The following STT3B variants were observed in gnomAD, a reference collection of about 807,000 sequenced individuals.
STT3B encodes dolichyl-diphosphooligosaccharide--protein glycosyltransferase subunit STT3B.
Under a neutral mutation model 96.8 loss-of-function variants are expected in STT3B, and 29 were observed. The observed-to-expected ratio is 0.30, with a 90% CI of 0.22 to 0.41. The LOEUF (loss-of-function observed/expected upper bound fraction) is 0.41. Among genes scored for constraint, STT3B ranks in the 10% least tolerant of loss-of-function variants. The pLI, the probability that STT3B is intolerant of heterozygous loss-of-function variation, is 1.00. For synonymous variants in STT3B, 367 were observed against 360.0 expected (o/e 1.02, Z -0.22); for missense variants, 640 against 1,022.3 (o/e 0.63, Z 5.10).
intron 1 of STT3B, among the ~76,000 whole-genome samples, chr3:31,538,142 T>C (rs1421648087): frequency 6.6e-6 from 1 of 152,184 alleles, no homozygotes; most frequent in Non-Finnish European, 1.5e-5. Context: ...ACCTAGATTC[T>C]ACAATTAATA....
intron 1 of STT3B, among the ~76,000 whole-genome samples, chr3:31,543,729 G>A (rs1416147183): frequency 6.6e-6 from 1 of 152,224 alleles, no homozygotes; most frequent in Non-Finnish European, 1.5e-5. Flanking sequence ...AATGGTATAT[G>A]TGAGCATCAT....
intron 2 of STT3B, among the ~76,000 whole-genome samples, chr3:31,576,710 C>T (rs1698272898): frequency 6.6e-6 from 1 of 152,120 alleles, no homozygotes; most frequent in African/African-American, 2.4e-5. Flanking sequence ...GGTTGTCTCA[C>T]ACTAGCCACT....
At chr3:31,544,701 T>C (rs1475031435) in intron 1 of STT3B, among the ~76,000 whole-genome samples, 2 of 152,188 alleles carry the variant, frequency 1.3e-5, no homozygotes, top group Admixed American at 1.3e-4. Flanking sequence ...CGGTGGCTTA[T>C]GCCTATAATC....
chr3:31,553,344 C>G (rs1026071485), intron 1 of STT3B, among the ~76,000 whole-genome samples: 4 of 152,044 alleles, frequency 2.6e-5, no homozygotes, highest in Admixed American at 2.6e-4. Flanking sequence ...GAATGTACAG[C>G]CTTATTATTT....
chr3:31,567,523 T>A (rs1698034348), intron 1 of STT3B, among the ~76,000 whole-genome samples: 1 of 152,206 alleles, frequency 6.6e-6, no homozygotes, highest in African/African-American at 2.4e-5. Context: ...AACAATATAT[T>A]GTTCTTCCAC....
intron 5 of STT3B, among the ~76,000 whole-genome samples, chr3:31,609,141 GA>G (rs1377630657): frequency 6.6e-6 from 1 of 152,076 alleles, no homozygotes; most frequent in Non-Finnish European, 1.5e-5. Flanking sequence ...GATGTGTTAA[GA>G]AGAACCAAAA....
intron 9 of STT3B, among the ~76,000 whole-genome samples, chr3:31,621,204 G>A (rs1191657954): frequency 6.6e-6 from 1 of 152,150 alleles, no homozygotes; most frequent in Admixed American, 6.5e-5. Context: ...CAATACAAAA[G>A]AGAACATTTT....
chr3:31,533,312 G>T lies in STT3B; in HGVS notation c.314G>T (p.Trp105Leu). ...FESIIHEFDP[W>L]FNYRSTHHLA... is the part of the protein sequence containing the mutation. ...AGCATCATCCACGAGTTCGACCCGTGGTAAGTGCCTCGCCGCCCCTCCCCC... is the reference window on the plus strand; with the variant it reads ...AGCATCATCCACGAGTTCGACCCGTTGTAAGTGCCTCGCCGCCCCTCCCCC... Residue 105 changes from tryptophan to leucine, a missense_variant and splice_region_variant, in exon 1 of 16, where the codon TGG becomes TTG. Physicochemically the swap from Trp to Leu is moderately conservative, Grantham distance 61 (BLOSUM62 -2). This residue lies in a region of STT3B where 267 missense variants were observed against 388.3 expected (regional missense o/e 0.69). Coordinates refer to ENST00000295770, the MANE Select transcript of STT3B (RefSeq NM_178862.3). The T allele has an allele frequency of 1.3e-6, 2 of 1,528,462 alleles. No homozygotes were observed. Among genetic ancestry groups the T allele is most frequent in the Non-Finnish European group, 1.8e-6 (2 of 1,137,848 alleles). 94.7% of individuals were successfully genotyped at this position (1,528,462 alleles called of 1,614,324 possible). A position where few individuals can be genotyped will look rare whatever the true frequency, so the allele number is the denominator to read the frequency against.
chr3:31,617,183 T>C, intron 7 of STT3B, 108 bp downstream of exon 7: 1 of 787,312 alleles, frequency 1.3e-6, no homozygotes, highest in South Asian at 4.3e-5. Context: ...AAGTGATTTT[T>C]TTCTTTTTTT....
intron 14 of STT3B, 135 bp downstream of exon 14, chr3:31,629,546 T>C (rs2125479373): frequency 2.0e-6 from 1 of 494,930 alleles, no homozygotes; most frequent in East Asian, 3.6e-5. Context: ...AGTCTTTTTT[T>C]CATTAAATTT....
intron 1 of STT3B, among the ~76,000 whole-genome samples, chr3:31,565,774 G>A (rs1010485689): frequency 6.6e-6 from 1 of 152,082 alleles, no homozygotes; most frequent in Non-Finnish European, 1.5e-5. Flanking sequence ...AAGGTTTCTG[G>A]CCATGATTTT....
chr3:31,570,604 AAATGG>A (rs1698112981), intron 1 of STT3B, among the ~76,000 whole-genome samples: 2 of 152,338 alleles, frequency 1.3e-5, no homozygotes, highest in Admixed American at 6.5e-5. Context: ...AGTTATCTAA[AAATGG>A]AATGGAAAAG....
intron 5 of STT3B, among the ~76,000 whole-genome samples, chr3:31,606,619 G>A (rs764655138): frequency 4.6e-5 from 7 of 152,210 alleles, no homozygotes; most frequent in African/African-American, 7.2e-5. Context: ...TTCAAAGAAC[G>A]TATGGAAATG....
chr3:31,561,966 G>T (rs1697889802), intron 1 of STT3B, among the ~76,000 whole-genome samples: 1 of 152,150 alleles, frequency 6.6e-6, no homozygotes, highest in African/African-American at 2.4e-5. Flanking sequence ...GGAGGCTGTG[G>T]TGAAGTTTTG....
intron 4 of STT3B, among the ~76,000 whole-genome samples, chr3:31,598,554 C>G (rs962075428): frequency 6.6e-6 from 1 of 152,154 alleles, no homozygotes; most frequent in Non-Finnish European, 1.5e-5. Context: ...TGAAGGAAAA[C>G]TCTTAAAATG....
At chr3:31,623,641 A>C (rs967678821) in intron 10 of STT3B, 33 bp from the exon 11 acceptor site, 7 of 1,519,034 alleles carry the variant, frequency 4.6e-6, no homozygotes, top group East Asian at 2.3e-5. Context: ...TCAAATAATG[A>C]ATTTGTCTAA....
At chr3:31,543,466 T>C (rs1016481550) in intron 1 of STT3B, among the ~76,000 whole-genome samples, 2 of 152,222 alleles carry the variant, frequency 1.3e-5, no homozygotes, top group Non-Finnish European at 2.9e-5. Context: ...ATTAGGAACA[T>C]AGTGAGTGCA....
chr3:31,615,018 C>G (rs1280926907), intron 5 of STT3B, 87 bp from the exon 6 acceptor site: 20 of 715,840 alleles, frequency 2.8e-5, no homozygotes, highest in Non-Finnish European at 4.5e-6. Context: ...TAATACTTTG[C>G]TAAAAACAGG....
At chr3:31,626,532 G>A (rs1188724658) in intron 13 of STT3B, among the ~76,000 whole-genome samples, 1 of 152,038 alleles carries the variant, frequency 6.6e-6, no homozygotes, top group South Asian at 2.1e-4. Flanking sequence ...AAAATTGATC[G>A]TGTTACTTTT....
Sources: allele counts gnomAD v4.1 joint callset (sites outside exome capture counted in the v4.1 genomes callset), GRCh38; gene constraint gnomAD v4.1.1; regional missense constraint gnomAD v4.1.1; transcripts MANE v1.5; gene names NCBI Gene and HGNC (gene_info 2026-07-23, HGNC 2026-07-21).